POGLUT1: variants seen among roughly 807,000 people sequenced by gnomAD.
POGLUT1 encodes protein O-glucosyltransferase 1, also known as 9630046K23Rik.
POGLUT1 carries 32 observed loss-of-function variants against 61.3 expected under a neutral mutation model. The observed-to-expected ratio is 0.52, with a 90% CI of 0.39 to 0.70. The LOEUF is 0.70. Ranked by LOEUF, POGLUT1 falls within the 30% of genes least tolerant of loss-of-function variation. POGLUT1 has a pLI of 0.00. For synonymous variants in POGLUT1, 158 were observed against 158.2 expected, an observed-to-expected ratio of 1.00 and a Z score of 0.01; for missense variants, 411 against 469.8, an observed-to-expected ratio of 0.87 and a Z score of 1.16.
At chr3:119,476,842 A>G (rs921055134) in intron 3 of POGLUT1, among the ~76,000 whole-genome samples, 6 of 152,230 alleles carry the variant, frequency 3.9e-5, no homozygotes, top group Admixed American at 3.9e-4. Context: ...AAGGTTTTCT[A>G]TCTGTTCTCA....
In POGLUT1 at chr3:119,491,657, A is replaced by G. The variant is rs1194644005; in HGVS notation, c.1022+83A>G. On this transcript the variant is annotated intron_variant, in intron 10 of 10. Coordinates refer to ENST00000295588, the MANE Select transcript of POGLUT1 (RefSeq NM_152305.3). ...TAGCCAAAGTTATCTGAATATTGTTATCATGGTGACATCTGTATTTTATCC... is the reference window on the plus strand; with the variant it reads ...TAGCCAAAGTTATCTGAATATTGTTGTCATGGTGACATCTGTATTTTATCC... 1.1e-5 allele frequency: 7 copies of G among 666,234 alleles called. 1 individual carries two copies. Among genetic ancestry groups the G allele is most frequent in the Non-Finnish European group, 1.9e-5 (7 of 375,026 alleles). The allele number at this position is 666,234 out of a possible 1,614,324, so 41.3% of individuals were successfully genotyped here.
In POGLUT1 at chr3:119,469,034, G is replaced by C. The variant is rs780361314; in HGVS notation, c.13G>C (p.Ala5Pro). Reference sequence around the variant, plus strand: ...AGGTCTGCCGGCGATGGAGTGGTGGGCTAGCTCGCCGCTTCGGCTCTGGCT... The same window carrying C: ...AGGTCTGCCGGCGATGGAGTGGTGGCCTAGCTCGCCGCTTCGGCTCTGGCT... MEWW[A>P]SSPLRLWLLL... The change falls in exon 1 of 11, where the codon GCT (alanine) becomes CCT (proline). Residue 5 changes from alanine (A) to proline (P), a missense_variant. Coordinates refer to ENST00000295588, the MANE Select transcript of POGLUT1 (RefSeq NM_152305.3). 2 of 1,608,654 alleles carry C rather than the reference G, an allele frequency of 1.2e-6. No homozygotes were observed. Among genetic ancestry groups the C allele is most frequent in the South Asian group, 2.2e-5 (2 of 90,668 alleles).
chr3:119,470,001 C>G lies in POGLUT1; in HGVS notation c.176+91C>G, dbSNP rs563489688. Reference sequence around the variant, plus strand: ...CTTGAGAGATTTTGGTTGCAGTGGTCAGAAAGGCAAGGATGTTTTTCTATT... The same window carrying G: ...CTTGAGAGATTTTGGTTGCAGTGGTGAGAAAGGCAAGGATGTTTTTCTATT... On this transcript the variant is annotated intron_variant, in intron 2 of 10. Transcript: ENST00000295588. 1.5e-5 allele frequency: 12 copies of G among 781,326 alleles called. No homozygotes were observed. The South Asian group carries it at 1.8e-4, about 11-fold the overall frequency. The allele number at this position is 781,326 out of a possible 1,614,324, so 48.4% of individuals were successfully genotyped here. A position where few individuals can be genotyped will look rare whatever the true frequency, so the allele number is the denominator to read the frequency against.
chr3:119,480,049 A>G lies in POGLUT1; in HGVS notation c.457-2A>G. ...AGGACGACCTGTCTGTTTTTGTTGA[A>G]GACATCAGAGTACCATGATATCATG... On this transcript the variant is annotated splice_acceptor_variant, in intron 4 of 10. Transcript: ENST00000295588. LOFTEE classifies it high-confidence loss of function. The G allele has an allele frequency of 6.2e-7, 1 of 1,613,652 alleles. No individual in the cohort carries two copies. Among genetic ancestry groups the G allele is most frequent in the Non-Finnish European group, 8.5e-7 (1 of 1,179,748 alleles).
Position 119,491,658 on chromosome 3 carries a change from T to C in POGLUT1, c.1022+84T>C, listed in dbSNP as rs1286299614. On this transcript the variant is annotated intron_variant, in intron 10 of 10. Transcript: ENST00000295588. Reference sequence around the variant, plus strand: ...AGCCAAAGTTATCTGAATATTGTTATCATGGTGACATCTGTATTTTATCCT... The same window carrying C: ...AGCCAAAGTTATCTGAATATTGTTACCATGGTGACATCTGTATTTTATCCT... 3.0e-5 allele frequency: 20 copies of C among 662,048 alleles called. 1 individual carries two copies. Among genetic ancestry groups the C allele is most frequent in the South Asian group, 9.5e-5 (5 of 52,620 alleles). 41.0% of individuals were successfully genotyped at this position (662,048 alleles called of 1,614,324 possible).
intron 1 of POGLUT1, among the ~76,000 whole-genome samples, 153 bp from the exon 2 acceptor site, chr3:119,469,667 A>C (rs1409446555): frequency 1.3e-5 from 2 of 152,202 alleles, no homozygotes; most frequent in South Asian, 2.1e-4. Flanking sequence ...GGAGTTGCAC[A>C]CACAAAAATT....
At chr3:119,484,577 T>C (rs2081644077) in intron 5 of POGLUT1, among the ~76,000 whole-genome samples, 1 of 152,252 alleles carries the variant, frequency 6.6e-6, no homozygotes, top group East Asian at 1.9e-4. Context: ...CTAAATCTGA[T>C]GACACTTCCC....
At chr3:119,469,401 A>G (rs1412454641) in intron 1 of POGLUT1, 1 of 567,762 alleles carries the variant, frequency 1.8e-6, no homozygotes, top group Non-Finnish European at 3.1e-6. Context: ...GACCTGCCTG[A>G]AACACTGAGG....
chr3:119,486,067 C>G (rs2081660453), intron 6 of POGLUT1, among the ~76,000 whole-genome samples: 1 of 152,214 alleles, frequency 6.6e-6, no homozygotes, highest in African/African-American at 2.4e-5. Flanking sequence ...CTTCACCCTC[C>G]TCTTCACTTC....
At position 119,480,108 on chromosome 3, in the gene POGLUT1, G is replaced by A; in HGVS notation, c.514G>A (p.Ala172Thr). Reference sequence around the variant, plus strand: ...TTGGACATTTTGGGAAGGGGGACCTGCTGTTTGGCCAATTTATCCTACAGG... The same window carrying A: ...TTGGACATTTTGGGAAGGGGGACCTACTGTTTGGCCAATTTATCCTACAGG... ...PAWTFWEGGP[A>T]VWPIYPTGLG... The change falls in exon 5 of 11, where the codon GCT (alanine) becomes ACT (threonine). Residue 172 changes from alanine (A) to threonine (T), a missense_variant. Physicochemically the swap from Ala to Thr is moderately conservative, Grantham distance 58. Transcript: ENST00000295588. 6.2e-7 allele frequency: 1 copy of A among 1,613,122 alleles called. No homozygotes were observed.
At chr3:119,473,406 T>C (rs2081499213) in intron 3 of POGLUT1, among the ~76,000 whole-genome samples, 1 of 152,196 alleles carries the variant, frequency 6.6e-6, no homozygotes, top group Admixed American at 6.5e-5. Flanking sequence ...TCAGAACATT[T>C]TGGTCATAAT....
chr3:119,490,310 G>C, intron 8 of POGLUT1: 1 of 509,008 alleles, frequency 2.0e-6, no homozygotes, highest in Non-Finnish European at 3.6e-6. Context: ...GCTGTCTGGA[G>C]AAAATATCCC....
intron 6 of POGLUT1, 143 bp from the exon 7 acceptor site, chr3:119,486,690 C>T (rs544195372): frequency 5.7e-6 from 4 of 705,148 alleles, no homozygotes; most frequent in African/African-American, 1.7e-5. Flanking sequence ...CCAGTATACC[C>T]CTCCTCCGCT....
rs1418353816 is a variant in POGLUT1, at chr3:119,475,186, A to T, written c.321-2127A>T. 2.0e-5 allele frequency among the ~76,000 whole-genome samples: 3 copies of T among 152,222 alleles called. No homozygotes were observed. In the East Asian group the frequency reaches 5.8e-4, roughly 29 times the overall value. On this transcript the variant is annotated intron_variant, in intron 3 of 10. Transcript: ENST00000295588. ...AGAAATAGTCTGTACATTTACAAGC[A>T]TCTAGACTCATCAACAAAATAAAAC...
intron 3 of POGLUT1, among the ~76,000 whole-genome samples, chr3:119,476,932 A>ATTAGCTATT (rs1329974564): frequency 5.9e-5 from 9 of 152,230 alleles, no homozygotes; most frequent in Non-Finnish European, 1.2e-4. Flanking sequence ...CAGGTGGAAA[A>ATTAGCTATT]TTAGCTATTT....
chr3:119,488,857 CA>C (rs2081704286), intron 7 of POGLUT1, 71 bp from the exon 8 acceptor site: 1 of 786,526 alleles, frequency 1.3e-6, no homozygotes, highest in Non-Finnish European at 2.2e-6. Flanking sequence ...AAATGTTTAA[CA>C]ATGCTTGCTG....
At chr3:119,489,264 A>T (rs1238402728) in intron 8 of POGLUT1, 1 of 257,706 alleles carries the variant, frequency 3.9e-6, no homozygotes. Flanking sequence ...CCACCCAATC[A>T]TTGAAGTTAG....
chr3:119,487,615 A>C (rs1384270318), intron 7 of POGLUT1, among the ~76,000 whole-genome samples: 1 of 152,196 alleles, frequency 6.6e-6, no homozygotes, highest in Non-Finnish European at 1.5e-5. Context: ...TAAAAATAAT[A>C]AAAAATAAAA....
intron 3 of POGLUT1, chr3:119,471,704 C>T: frequency 2.2e-6 from 1 of 451,754 alleles, no homozygotes; most frequent in Non-Finnish European, 4.1e-6. Context: ...TCTGCTCCTT[C>T]CCTGGGATAT....
Sources: allele counts gnomAD v4.1 joint callset (sites outside exome capture counted in the v4.1 genomes callset), GRCh38; gene constraint gnomAD v4.1.1; transcripts MANE v1.5; gene names NCBI Gene and HGNC (gene_info 2026-07-23, HGNC 2026-07-21).